Variants in RTN4RL2 observed in about 807,000 individuals in gnomAD.
RTN4RL2 encodes the protein reticulon 4 receptor like 2.
RTN4RL2 carries 9 observed loss-of-function variants against 27.8 expected under a neutral mutation model. That is an observed-to-expected ratio of 0.32 (90% CI 0.20 to 0.57). The LOEUF (loss-of-function observed/expected upper bound fraction) is 0.57, where lower values mean the gene tolerates loss of function less well. Among genes scored for constraint, RTN4RL2 ranks in the 20% least tolerant of loss-of-function variants. RTN4RL2 has a pLI of 0.90. For synonymous variants in RTN4RL2, 285 were observed against 297.9 expected (o/e 0.96, Z 0.45); for missense variants, 436 against 596.8 (o/e 0.73, Z 2.81).
At position 57,476,993 on chromosome 11, in the gene RTN4RL2, C is replaced by T; in HGVS notation, c.*82C>T. The T allele has an allele frequency of 7.1e-7, 1 of 1,402,452 alleles. No individual in the cohort carries two copies. The highest frequency in any genetic ancestry group is 9.5e-7 in the Non-Finnish European group (1 of 1,058,100). 86.9% of individuals were successfully genotyped at this position (1,402,452 alleles called of 1,614,324 possible). The stretch of plus-strand genomic sequence containing the variant: ...GGCTGCGGCTCCGGCCCCAGTCGCC[C>T]CACCTTCCCTGGCCTTGCTGCCTCC... On this transcript the variant is annotated 3_prime_UTR_variant, in exon 3 of 3. Transcript: ENST00000335099. This position sits in a 1 kb window ranked among gnomAD's most constrained non-coding sequence, Gnocchi z 8.2.
At position 57,463,849 on chromosome 11, in the gene RTN4RL2, C is replaced by T. The variant is rs1002767161; in HGVS notation, c.31+2953C>T. 1.4e-4 allele frequency among the ~76,000 whole-genome samples: 21 copies of T among 151,998 alleles called. 1 individual carries two copies. On this transcript the variant is annotated intron_variant, in intron 1 of 2. Transcript: ENST00000335099. The stretch of plus-strand genomic sequence containing the variant: ...GGGAAAGGCACAGCTCTCTAGTCCC[C>T]CAACCCCCCAGTCCCACCACCTCTG...
chr11:57,477,186 G>GC lies in RTN4RL2; in HGVS notation c.*281dup, dbSNP rs925049025. On this transcript the variant is annotated 3_prime_UTR_variant, in exon 3 of 3. Transcript: ENST00000335099. ...TTCCCCATCCCAAGGCTGGGGTGGG[G>GC]CCCCCCAGGCAGCCGCTGACCCGCA... is the stretch of plus-strand genomic sequence containing the variant. The GC allele has an allele frequency of 1.3e-5, 5 of 379,364 alleles. No homozygotes were observed. Among genetic ancestry groups the GC allele is most frequent in the African/African-American group, 6.3e-5 (3 of 47,806 alleles). The allele number at this position is 379,364 out of a possible 1,614,324, so 23.5% of individuals were successfully genotyped here.
In RTN4RL2 at chr11:57,467,834, C is replaced by A. The variant is rs749442189; in HGVS notation, c.257C>A (p.Thr86Asn). 1 of 1,614,104 alleles carries A rather than the reference C, an allele frequency of 6.2e-7. No homozygotes were observed. The highest frequency in any genetic ancestry group is 8.5e-7 in the Non-Finnish European group (1 of 1,180,046). ...GGCACCTTTGGGTCCAACCTGCTCA[C>A]CCTGTGGCTCTTCTCCAACAACCTC... ...RPGTFGSNLL[T>N]LWLFSNNLST... Residue 86 changes from threonine (T) to asparagine (N), a missense_variant, in exon 2 of 3, where the codon ACC (threonine) becomes AAC (asparagine). Coordinates refer to ENST00000335099, the MANE Select transcript of RTN4RL2 (RefSeq NM_178570.3). The surrounding 1 kb of genome is among the most constrained non-coding windows in gnomAD (Gnocchi z 5.5).
Position 57,476,501 on chromosome 11 carries a change from G to C in RTN4RL2, c.853G>C (p.Asp285His). ...CCAGCGCGCGCGCGTGTCCAGCTCC[G>C]ACGTGACCTGCGCCACCCCCCCGGA... ...WFQRARVSSS[D>H]VTCATPPERQ... The change falls in exon 3 of 3, where the codon GAC (aspartate) becomes CAC (histidine). Residue 285 changes from aspartate to histidine, a missense_variant. Around this residue, in one of 3 missense-constraint regions of RTN4RL2, gnomAD observed 365 missense variants for 530.5 expected, o/e 0.69. Transcript: ENST00000335099. This position sits in a 1 kb window ranked among gnomAD's most constrained non-coding sequence, Gnocchi z 8.2. The C allele has an allele frequency of 6.7e-7, 1 of 1,495,014 alleles. No homozygotes were observed. 92.6% of individuals were successfully genotyped at this position (1,495,014 alleles called of 1,614,324 possible). A position where few individuals can be genotyped will look rare whatever the true frequency, so the allele number is the denominator to read the frequency against.
chr11:57,461,397 A>G (rs957859797), intron 1 of RTN4RL2, among the ~76,000 whole-genome samples: 2 of 128,216 alleles, frequency 1.6e-5, no homozygotes, highest in African/African-American at 2.9e-5. Flanking sequence ...GGATAGTTCT[A>G]CTGATTGAGT....
At chr11:57,466,955 T>C (rs751915385) in intron 1 of RTN4RL2, among the ~76,000 whole-genome samples, 1 of 152,258 alleles carries the variant, frequency 6.6e-6, no homozygotes, top group Non-Finnish European at 1.5e-5. Context: ...CTGTCAATAC[T>C]GAGGCAGAGA....
intron 1 of RTN4RL2, among the ~76,000 whole-genome samples, chr11:57,465,990 A>ATT (rs35174184): frequency 0.019 from 1,472 of 77,918 alleles, 150 homozygotes; most frequent in African/African-American, 0.062. Context: ...CATGCCTACA[A>ATT]TTTTTTTTTT....
Position 57,468,238 on chromosome 11 carries a change from CTT to C in RTN4RL2, c.513+151_513+152del, listed in dbSNP as rs1943540782. The C allele has an allele frequency of 2.6e-5, 23 of 895,090 alleles. No homozygotes were observed. In the East Asian group the frequency reaches 5.7e-4, roughly 22 times the overall value. The allele number at this position is 895,090 out of a possible 1,614,324, so 55.4% of individuals were successfully genotyped here. A position where few individuals can be genotyped will look rare whatever the true frequency, so the allele number is the denominator to read the frequency against. ...TCTCCATTTCTCTCTGTCTATGTCT[CTT>C]TTCTCTCTTACATTCTCCAGGGGCT... On this transcript the variant is annotated intron_variant, in intron 2 of 2. Coordinates refer to ENST00000335099, the MANE Select transcript of RTN4RL2 (RefSeq NM_178570.3).
intron 2 of RTN4RL2, chr11:57,468,846 T>C: frequency 2.2e-6 from 2 of 924,842 alleles, no homozygotes; most frequent in Non-Finnish European, 3.4e-6. Context: ...ATACCAGTAA[T>C]TGTTATTCAT....
intron 1 of RTN4RL2, among the ~76,000 whole-genome samples, chr11:57,465,208 T>C (rs1292104564): frequency 6.6e-6 from 1 of 152,204 alleles, no homozygotes; most frequent in Non-Finnish European, 1.5e-5. Context: ...ACTCGGGGCC[T>C]GTCAGTCCCA....
chr11:57,466,642 G>A (rs527824985), intron 1 of RTN4RL2, among the ~76,000 whole-genome samples: 1 of 152,300 alleles, frequency 6.6e-6, no homozygotes, highest in African/African-American at 2.4e-5. Flanking sequence ...AAGAGGCTCT[G>A]ACTCTGCAAG....
rs1245568717 is a variant in RTN4RL2, at chr11:57,462,769, C to T, written c.31+1873C>T. Among the ~76,000 whole-genome samples, 4 of 152,362 alleles carry T rather than the reference C, an allele frequency of 2.6e-5. No individual in the cohort carries two copies. In the East Asian group the frequency reaches 7.7e-4, roughly 29 times the overall value. ...TCCGGGATCAATACCATGTTCTGGC[C>T]TCTCTTGGCTCCCTCCCCTGGTCAG... On this transcript the variant is annotated intron_variant, in intron 1 of 2. Coordinates refer to ENST00000335099, the MANE Select transcript of RTN4RL2 (RefSeq NM_178570.3).
chr11:57,461,755 T>C (rs1943487081), intron 1 of RTN4RL2, among the ~76,000 whole-genome samples: 1 of 150,938 alleles, frequency 6.6e-6, no homozygotes, highest in Non-Finnish European at 1.5e-5. Flanking sequence ...AATGGAAAGA[T>C]CAGAAACCAG....
intron 2 of RTN4RL2, among the ~76,000 whole-genome samples, chr11:57,474,925 T>C (rs894556444): frequency 1.3e-5 from 2 of 152,150 alleles, no homozygotes; most frequent in African/African-American, 2.4e-5. Context: ...ACAGCGCCTC[T>C]AAGGGGAGTA....
chr11:57,473,572 G>C (rs1436590421), intron 2 of RTN4RL2, among the ~76,000 whole-genome samples: 1 of 125,410 alleles, frequency 8.0e-6, no homozygotes, highest in Non-Finnish European at 1.6e-5. Flanking sequence ...AGAGGGAGGG[G>C]AGATAGGGAG....
chr11:57,467,601 C>A lies in RTN4RL2; in HGVS notation c.32-8C>A. 6.3e-7 allele frequency: 1 copy of A among 1,596,324 alleles called. No homozygotes were observed. Among genetic ancestry groups the A allele is most frequent in the Non-Finnish European group, 8.5e-7 (1 of 1,171,036 alleles). ...CCACCTAGTAAGTTCTGCTTCCCCT[C>A]CCCACAGCTCCCGCCTCGGCCTGCC... On this transcript the variant is annotated splice_region_variant and splice_polypyrimidine_tract_variant and intron_variant, in intron 1 of 2. Transcript: ENST00000335099. The surrounding 1 kb of genome is among the most constrained non-coding windows in gnomAD (Gnocchi z 5.5).
At position 57,476,707 on chromosome 11, in the gene RTN4RL2, C is replaced by G. The variant is rs570584153; in HGVS notation, c.1059C>G (p.Ala353=). 8.3e-6 allele frequency: 12 copies of G among 1,440,184 alleles called. No homozygotes were observed. Among genetic ancestry groups the G allele is most frequent in the South Asian group, 5.9e-5 (4 of 67,870 alleles). 89.2% of individuals were successfully genotyped at this position (1,440,184 alleles called of 1,614,324 possible). A position where few individuals can be genotyped will look rare whatever the true frequency, so the allele number is the denominator to read the frequency against. The change falls in exon 3 of 3, where the codon GCC becomes GCG. Residue 353 remains alanine, a synonymous_variant. Transcript: ENST00000335099. The surrounding 1 kb of genome is among the most constrained non-coding windows in gnomAD (Gnocchi z 8.2). ...DPSTLYRDLP[A]EDSRGRQGGD... The stretch of plus-strand genomic sequence containing the variant: ...CCACCCTCTACCGAGATCTGCCTGC[C>G]GAAGACTCGCGGGGGCGCCAGGGCG...
chr11:57,476,735 G>T lies in RTN4RL2; in HGVS notation c.1087G>T (p.Asp363Tyr). Reference protein sequence around the residue: ...AEDSRGRQGGDAPTEDDYWGG... With the variant: ...AEDSRGRQGGYAPTEDDYWGG... ...AGACTCGCGGGGGCGCCAGGGCGGGGACGCGCCTACTGAGGACGACTACTG... is the reference window on the plus strand; with the variant it reads ...AGACTCGCGGGGGCGCCAGGGCGGGTACGCGCCTACTGAGGACGACTACTG... The change falls in exon 3 of 3, where the codon GAC becomes TAC. Residue 363 changes from aspartate (D) to tyrosine (Y), a missense_variant. By Grantham distance (160) the Asp-to-Tyr change is radical (BLOSUM62 -3). Coordinates refer to ENST00000335099, the MANE Select transcript of RTN4RL2 (RefSeq NM_178570.3). This position sits in a 1 kb window ranked among gnomAD's most constrained non-coding sequence, Gnocchi z 8.2. 6.9e-7 allele frequency: 1 copy of T among 1,442,312 alleles called. No homozygotes were observed. The highest frequency in any genetic ancestry group is 1.5e-5 in the South Asian group (1 of 68,284). The allele number at this position is 1,442,312 out of a possible 1,614,324, so 89.3% of individuals were successfully genotyped here. A position where few individuals can be genotyped will look rare whatever the true frequency, so the allele number is the denominator to read the frequency against.
chr11:57,477,034 T>G lies in RTN4RL2; in HGVS notation c.*123T>G. On this transcript the variant is annotated 3_prime_UTR_variant, in exon 3 of 3. Transcript: ENST00000335099. The stretch of plus-strand genomic sequence containing the variant: ...TGCTGCCTCCCTTTCCCCTCCCAGC[T>G]CCTCTCCTCCCCGGGGAGCAGGCCG... The G allele has an allele frequency of 2.0e-6, 2 of 996,840 alleles. No homozygotes were observed. Among genetic ancestry groups the G allele is most frequent in the Non-Finnish European group, 2.8e-6 (2 of 714,418 alleles). 61.7% of individuals were successfully genotyped at this position (996,840 alleles called of 1,614,324 possible).
Sources: gnomAD v4.1 joint callset for allele counts (sites outside exome capture counted in the v4.1 genomes callset) on GRCh38, gnomAD v4.1.1 for gene constraint, gnomAD v4.1.1 regional missense constraint, Gnocchi (gnomAD v3.1) non-coding constraint, MANE v1.5 for transcripts, NCBI Gene and HGNC (gene_info 2026-07-23, HGNC 2026-07-21) for gene names.